Variants in EIF3H observed in about 807,000 individuals in gnomAD.
The protein encoded by EIF3H is eIF-3-gamma.
Under a neutral mutation model 44.2 loss-of-function variants are expected in EIF3H, and 26 were observed. The ratio of observed to expected loss-of-function variants is 0.59; its 90% CI spans 0.43 to 0.82. The LOEUF is 0.82. EIF3H is among the 40% of genes least tolerant of loss of function. EIF3H has a pLI of 0.00. For missense variants in EIF3H, 359 were observed against 432.8 expected (o/e 0.83, Z 1.51); for synonymous variants, 166 against 151.9 (o/e 1.09, Z -0.68).
At chr8:116,718,012 C>G (rs911759618) in intron 2 of EIF3H, among the ~76,000 whole-genome samples, 2 of 152,004 alleles carry the variant, frequency 1.3e-5, no homozygotes, top group Non-Finnish European at 2.9e-5. Flanking sequence ...GGACTAATAT[C>G]CAGAATCTAC....
At chr8:116,722,077 A>C (rs985045402) in intron 2 of EIF3H, among the ~76,000 whole-genome samples, 1 of 152,122 alleles carries the variant, frequency 6.6e-6, no homozygotes, top group Non-Finnish European at 1.5e-5. Context: ...TTGCCACCCA[A>C]ATCTCATCTT....
intron 1 of EIF3H, among the ~76,000 whole-genome samples, chr8:116,761,526 A>C (rs541317576): frequency 6.6e-6 from 1 of 152,220 alleles, no homozygotes; most frequent in South Asian, 2.1e-4. Flanking sequence ...AAATAAATAC[A>C]TACATACATA....
At chr8:116,718,635 A>G (rs1413478536) in intron 2 of EIF3H, among the ~76,000 whole-genome samples, 1 of 151,212 alleles carries the variant, frequency 6.6e-6, no homozygotes, top group East Asian at 2.0e-4. Flanking sequence ...GGAAAACCGA[A>G]CATCATATGT....
At chr8:116,659,374 G>A (rs1412612168) in intron 2 of EIF3H, among the ~76,000 whole-genome samples, 1 of 152,144 alleles carries the variant, frequency 6.6e-6, no homozygotes, top group African/African-American at 2.4e-5. Context: ...AATAAAAGAG[G>A]AAGAGTTATC....
chr8:116,736,259 T>C (rs925421530), intron 1 of EIF3H, among the ~76,000 whole-genome samples: 1 of 152,226 alleles, frequency 6.6e-6, no homozygotes, highest in African/African-American at 2.4e-5. Flanking sequence ...TGCAGAAGGA[T>C]ACCAGGAAAC....
At position 116,656,057 on chromosome 8, in the gene EIF3H, AACTG is replaced by A. The variant is rs529322944; in HGVS notation, c.558-56_558-53del. 5.6e-4 allele frequency: 878 copies of A among 1,557,884 alleles called. 10 individuals carry two copies. The South Asian group carries it at 9.4e-3, about 17-fold the overall frequency. On this transcript the variant is annotated intron_variant, in intron 4 of 7. Coordinates refer to ENST00000521861, the MANE Select transcript of EIF3H (RefSeq NM_003756.3). ...GTCTGATGGTCAAAAGTAAGTGCTA[AACTG>A]ACTACTTCATAAAATTTACCTAATT... is the stretch of plus-strand genomic sequence containing the variant.
chr8:116,741,391 C>T (rs1815129734), intron 1 of EIF3H, among the ~76,000 whole-genome samples: 1 of 152,160 alleles, frequency 6.6e-6, no homozygotes, highest in Non-Finnish European at 1.5e-5. Context: ...CAAAGTTTTA[C>T]AACACGATGT....
chr8:116,643,570 G>A lies in EIF3H; in HGVS notation c.*1436C>T, dbSNP rs1054579342. ...TGCTTCACCCAAACCCCCAACAAAC[G>A]TCTTCAACACTCACAGCCACCTTGT... On this transcript the variant is annotated 3_prime_UTR_variant, in exon 8 of 8. Coordinates refer to ENST00000521861, the MANE Select transcript of EIF3H (RefSeq NM_003756.3). The A allele has an allele frequency of 8.6e-5, 13 of 152,030 alleles. No homozygotes were observed. The highest frequency in any genetic ancestry group is 2.4e-4 in the African/African-American group (10 of 41,370). 9.4% of individuals were successfully genotyped at this position (152,030 alleles called of 1,614,324 possible).
Position 116,643,638 on chromosome 8 carries a change from CA to C in EIF3H, c.*1367del, listed in dbSNP as rs1237179242. 1 of 152,158 alleles carries C rather than the reference CA, an allele frequency of 6.6e-6. No homozygotes were observed. Among genetic ancestry groups the C allele is most frequent in the Non-Finnish European group, 1.5e-5 (1 of 68,034 alleles). 9.4% of individuals were successfully genotyped at this position (152,158 alleles called of 1,614,324 possible). A position where few individuals can be genotyped will look rare whatever the true frequency, so the allele number is the denominator to read the frequency against. On this transcript the variant is annotated 3_prime_UTR_variant, in exon 8 of 8. Coordinates refer to ENST00000521861, the MANE Select transcript of EIF3H (RefSeq NM_003756.3). ...CTCATTTCTTATCTTATCTGGTTGACAAAAAGTGAGGCACAGGGAGGTTAAA... is the reference window on the plus strand; with the variant it reads ...CTCATTTCTTATCTTATCTGGTTGACAAAAGTGAGGCACAGGGAGGTTAAA...
At chr8:116,697,239 T>C (rs1357513047) in intron 2 of EIF3H, 5 of 454,572 alleles carry the variant, frequency 1.1e-5, no homozygotes, top group African/African-American at 2.0e-5. Flanking sequence ...ATACTGGGCC[T>C]AGATGAAATC....
chr8:116,696,971 C>G (rs1814279332), intron 2 of EIF3H: 1 of 378,800 alleles, frequency 2.6e-6, no homozygotes, highest in African/African-American at 2.1e-5. Flanking sequence ...AAAGCTAGGA[C>G]ACCAACCCTC....
intron 2 of EIF3H, among the ~76,000 whole-genome samples, chr8:116,660,425 G>A (rs1032531982): frequency 3.9e-5 from 6 of 152,132 alleles, no homozygotes; most frequent in Admixed American, 6.5e-5. Flanking sequence ...ATTACTTGTA[G>A]GAGAAGAAGT....
intron 1 of EIF3H, among the ~76,000 whole-genome samples, chr8:116,751,249 A>G (rs1788329598): frequency 2.0e-5 from 3 of 151,640 alleles, no homozygotes; most frequent in Admixed American, 2.0e-4. Context: ...AAATAAAATA[A>G]AAGTATGAAT....
intron 2 of EIF3H, among the ~76,000 whole-genome samples, chr8:116,688,124 A>G (rs1247797646): frequency 1.3e-5 from 2 of 152,152 alleles, no homozygotes; most frequent in African/African-American, 4.8e-5. Context: ...ATTCTAAGGG[A>G]AACATTCCAA....
intron 5 of EIF3H, among the ~76,000 whole-genome samples, chr8:116,651,085 A>T (rs894732375): frequency 6.6e-6 from 1 of 152,234 alleles, no homozygotes; most frequent in African/African-American, 2.4e-5. Context: ...TAATGGTTGT[A>T]AAACATTGTG....
intron 2 of EIF3H, among the ~76,000 whole-genome samples, chr8:116,718,756 A>G (rs1447494634): frequency 1.3e-5 from 2 of 151,906 alleles, no homozygotes; most frequent in Non-Finnish European, 1.5e-5. Context: ...AAGGGTTGAA[A>G]GACTACACAC....
At position 116,646,605 on chromosome 8, in the gene EIF3H, T is replaced by C; in HGVS notation, c.829-2A>G. 6.2e-7 allele frequency: 1 copy of C among 1,613,834 alleles called. No homozygotes were observed. ...CTCCTGCTGGCGACGCTGCTGATACTAAAATTCAAAGGGAAAATGGTTTGG... is the reference window on the plus strand; with the variant it reads ...CTCCTGCTGGCGACGCTGCTGATACCAAAATTCAAAGGGAAAATGGTTTGG... On this transcript the variant is annotated splice_acceptor_variant, in intron 6 of 7. Coordinates refer to ENST00000521861, the MANE Select transcript of EIF3H (RefSeq NM_003756.3). LOFTEE classifies it high-confidence loss of function.
At chr8:116,684,968 T>C (rs1814049126) in intron 2 of EIF3H, among the ~76,000 whole-genome samples, 1 of 152,218 alleles carries the variant, frequency 6.6e-6, no homozygotes, top group African/African-American at 2.4e-5. Flanking sequence ...TTACTATTTA[T>C]TCGTAAGGGA....
At chr8:116,745,114 C>T (rs981087343) in intron 1 of EIF3H, among the ~76,000 whole-genome samples, 2 of 152,198 alleles carry the variant, frequency 1.3e-5, no homozygotes, top group African/African-American at 4.8e-5. Flanking sequence ...TTATTGTACA[C>T]CCACACCTTT....
Sources: allele counts gnomAD v4.1 joint callset (sites outside exome capture counted in the v4.1 genomes callset), GRCh38; gene constraint gnomAD v4.1.1; transcripts MANE v1.5; gene names NCBI Gene and HGNC (gene_info 2026-07-23, HGNC 2026-07-21).